The following MCF2L2 variants were observed in gnomAD, a reference collection of about 807,000 sequenced individuals.
MCF2L2 encodes probable guanine nucleotide exchange factor MCF2L2.
A neutral mutation model predicts 150.2 loss-of-function variants in MCF2L2; 102 were observed. The ratio of observed to expected loss-of-function variants is 0.68; its 90% CI spans 0.58 to 0.80. MCF2L2 has a LOEUF of 0.80. Ranked by LOEUF, MCF2L2 falls within the 30% of genes least tolerant of loss-of-function variation. MCF2L2 has a pLI of 0.00. For synonymous variants in MCF2L2, 465 were observed against 491.3 expected (o/e 0.95, Z 0.71); for missense variants, 1,256 against 1,372.8 (o/e 0.91, Z 1.34).
chr3:183,387,141 G>A lies in MCF2L2; in HGVS notation c.160+2555C>T, dbSNP rs567048614. On this transcript the variant is annotated intron_variant, in intron 2 of 29. Coordinates refer to ENST00000328913, the MANE Select transcript of MCF2L2 (RefSeq NM_015078.4). Reference sequence around the variant, plus strand: ...TGATGGTGTGCGCCAATGCCTGCCTGTAGTCTCAGTTAACTCAGGAGGCTG... The same window carrying A: ...TGATGGTGTGCGCCAATGCCTGCCTATAGTCTCAGTTAACTCAGGAGGCTG... 5.9e-5 allele frequency among the ~76,000 whole-genome samples: 9 copies of A among 152,048 alleles called. No individual in the cohort carries two copies. The South Asian group carries it at 1.5e-3, about 25-fold the overall frequency.
chr3:183,213,785 CT>C (rs1722819095), intron 22 of MCF2L2, among the ~76,000 whole-genome samples: 1 of 152,146 alleles, frequency 6.6e-6, no homozygotes, highest in South Asian at 2.1e-4. Context: ...CATGGATCTT[CT>C]TTTGAATCAG....
rs188192699 is a variant in MCF2L2 at position 183,218,200 on chromosome 3, G to A, written c.2370+1656C>T. On this transcript the variant is annotated intron_variant, in intron 21 of 29. Coordinates refer to ENST00000328913, the MANE Select transcript of MCF2L2 (RefSeq NM_015078.4). The stretch of plus-strand genomic sequence containing the variant: ...GATGAGAGACATGAGTGACAGGGCT[G>A]ATGAATGGAATAGATCGTGCTGCTG... Among the ~76,000 whole-genome samples the A allele has an allele frequency of 1.9e-3, 295 of 152,330 alleles. 2 individuals carry two copies. The highest frequency in any genetic ancestry group is 6.9e-3 in the African/African-American group (285 of 41,574).
chr3:183,195,753 T>G (rs1722062619), intron 25 of MCF2L2, among the ~76,000 whole-genome samples: 1 of 152,068 alleles, frequency 6.6e-6, no homozygotes, highest in Admixed American at 6.6e-5. Flanking sequence ...GCCAAATTCC[T>G]CGGCCCGATA....
chr3:183,398,409 T>C (rs977226420), intron 1 of MCF2L2, among the ~76,000 whole-genome samples: 7 of 152,192 alleles, frequency 4.6e-5, no homozygotes, highest in Non-Finnish European at 8.8e-5. Flanking sequence ...AAGACAGCTC[T>C]CTGACTGAGG....
chr3:183,275,413 G>A (rs1383244635), intron 15 of MCF2L2, among the ~76,000 whole-genome samples: 3 of 152,216 alleles, frequency 2.0e-5, no homozygotes, highest in African/African-American at 7.2e-5. Context: ...AAGGTATTTA[G>A]TCAAAGCTGG....
At chr3:183,323,387 T>C (rs760013491) in intron 5 of MCF2L2, 36 bp from the exon 6 acceptor site, 13 of 1,080,724 alleles carry the variant, frequency 1.2e-5, no homozygotes, top group Admixed American at 3.4e-5. Flanking sequence ...ATACTCCTCA[T>C]TGATCATTAA....
chr3:183,249,568 C>T (rs535069840), intron 15 of MCF2L2, among the ~76,000 whole-genome samples: 94 of 152,306 alleles, frequency 6.2e-4, no homozygotes, highest in African/African-American at 2.1e-3. Context: ...GAGTGGCCTG[C>T]GGGTGAGTGC....
At chr3:183,343,887 T>C (rs1041945981) in intron 3 of MCF2L2, among the ~76,000 whole-genome samples, 27 of 152,236 alleles carry the variant, frequency 1.8e-4, no homozygotes, top group African/African-American at 6.0e-4. Flanking sequence ...TTACTTACTA[T>C]TAGCCAGGTG....
intron 1 of MCF2L2, among the ~76,000 whole-genome samples, chr3:183,413,152 T>C (rs905496627): frequency 2.0e-5 from 3 of 152,200 alleles, no homozygotes; most frequent in Admixed American, 6.5e-5. Context: ...TTTGTATCTA[T>C]AGTTGACCTT....
intron 5 of MCF2L2, among the ~76,000 whole-genome samples, chr3:183,327,055 G>C (rs1730073138): frequency 6.6e-6 from 1 of 152,118 alleles, no homozygotes; most frequent in Non-Finnish European, 1.5e-5. Context: ...GGCCGGGCAT[G>C]GTGGCTCACA....
intron 15 of MCF2L2, among the ~76,000 whole-genome samples, chr3:183,239,246 G>A (rs1275512212): frequency 1.3e-5 from 2 of 152,088 alleles, no homozygotes; most frequent in African/African-American, 4.8e-5. Context: ...TTTACATCCG[G>A]GCACTTTGCT....
chr3:183,206,950 GAA>G lies in MCF2L2; in HGVS notation c.2712+656_2712+657del, dbSNP rs1236086814. The stretch of plus-strand genomic sequence containing the variant: ...GGAAGGAAGGAAGGAAGGAAGGAAG[GAA>G]GGAAGGAAGGAAGGAAGGAAGGGAG... On this transcript the variant is annotated intron_variant, in intron 23 of 29. Transcript: ENST00000328913. Among the ~76,000 whole-genome samples, 345 of 50,310 alleles carry G rather than the reference GAA, an allele frequency of 6.9e-3. 2 individuals carry two copies. The highest frequency in any genetic ancestry group is 0.011 in the Non-Finnish European group (226 of 21,278). The allele number at this position is 50,310 out of a possible 152,430, so 33.0% of individuals were successfully genotyped here.
At chr3:183,248,171 A>T (rs1481509548) in intron 15 of MCF2L2, among the ~76,000 whole-genome samples, 1 of 152,050 alleles carries the variant, frequency 6.6e-6, no homozygotes, top group Non-Finnish European at 1.5e-5. Context: ...TCTCTCAGAG[A>T]TGTTGCTCTC....
At chr3:183,180,836 AACAG>A (rs1000525970) in intron 27 of MCF2L2, among the ~76,000 whole-genome samples, 49 of 152,350 alleles carry the variant, frequency 3.2e-4, no homozygotes, top group African/African-American at 1.0e-3. Context: ...CAGTTGGGGA[AACAG>A]ACAGCAATGG....
At chr3:183,332,827 T>A (rs1178128562) in intron 5 of MCF2L2, among the ~76,000 whole-genome samples, 1 of 152,142 alleles carries the variant, frequency 6.6e-6, no homozygotes, top group Non-Finnish European at 1.5e-5. Flanking sequence ...CTCAAGTGTT[T>A]CAAAAATGAG....
intron 22 of MCF2L2, among the ~76,000 whole-genome samples, chr3:183,211,859 C>T (rs1330121121): frequency 6.6e-6 from 1 of 152,116 alleles, no homozygotes; most frequent in Non-Finnish European, 1.5e-5. Context: ...CATTCAGCGA[C>T]GCCCCTGTAC....
At chr3:183,391,454 C>T (rs929330939) in intron 1 of MCF2L2, among the ~76,000 whole-genome samples, 26 of 152,082 alleles carry the variant, frequency 1.7e-4, no homozygotes, top group Admixed American at 1.6e-3. Flanking sequence ...ACTGTTCATT[C>T]GGTGGGTGTA....
chr3:183,368,496 G>T (rs1712671783), intron 3 of MCF2L2, among the ~76,000 whole-genome samples: 1 of 152,204 alleles, frequency 6.6e-6, no homozygotes. Context: ...TGGTGCAGTG[G>T]TTCACACCTG....
chr3:183,371,022 T>C (rs1225425166), intron 3 of MCF2L2, among the ~76,000 whole-genome samples: 2 of 152,242 alleles, frequency 1.3e-5, no homozygotes, highest in Admixed American at 6.5e-5. Context: ...ATGAGTCAGA[T>C]GAATGAATTC....
Sources: allele counts gnomAD v4.1 joint callset (sites outside exome capture counted in the v4.1 genomes callset), GRCh38; gene constraint gnomAD v4.1.1; transcripts MANE v1.5; gene names NCBI Gene and HGNC (gene_info 2026-07-23, HGNC 2026-07-21).